The following MPP4 variants were observed in gnomAD, a reference collection of about 807,000 sequenced individuals.
MPP4 encodes the protein MAGUK p55 subfamily member 4.
Under a neutral mutation model 98.3 loss-of-function variants are expected in MPP4, and 91 were observed. The ratio of observed to expected loss-of-function variants is 0.93; its 90% CI spans 0.78 to 1.10. The LOEUF is 1.10. MPP4 is among the 50% of genes least tolerant of loss of function. The probability of loss-of-function intolerance (pLI) is 0.00; values close to 1 mark genes in which losing one functional copy is unlikely to be tolerated. For synonymous variants in MPP4, 261 were observed against 271.8 expected, an observed-to-expected ratio of 0.96 and a Z score of 0.39; for missense variants, 744 against 792.9, an observed-to-expected ratio of 0.94 and a Z score of 0.74.
Position 201,690,208 on chromosome 2 carries a change from G to A in MPP4, c.273C>T (p.Ser91=), listed in dbSNP as rs764702363. 6 of 1,605,994 alleles carry A rather than the reference G, an allele frequency of 3.7e-6. No individual in the cohort carries two copies. The South Asian group carries it at 4.5e-5, about 12-fold the overall frequency. Residue 91 remains serine, a synonymous_variant, in exon 4 of 22, where the codon TCC becomes TCT. Transcript: ENST00000409474. ...VPATPHAQVL[S]YEVVELLRET... is the part of the protein sequence containing the mutation. The stretch of plus-strand genomic sequence containing the variant: ...TGGAATAAAATCTCCTTACCTCATA[G>A]GATAACACCTGTGCATGTGGTGTGG...
chr2:201,650,299 A>C, intron 18 of MPP4, 134 bp from the exon 19 acceptor site: 9 of 1,417,346 alleles, frequency 6.3e-6, no homozygotes, highest in South Asian at 1.6e-5. Flanking sequence ...TAGAACTAAA[A>C]AGAAGAAGCC....
rs565701012 is a variant in MPP4, at chr2:201,675,264, G to T, written c.937C>A (p.Arg313=). The T allele has an allele frequency of 6.2e-7, 1 of 1,608,006 alleles. No homozygotes were observed. Among genetic ancestry groups the T allele is most frequent in the African/African-American group, 1.3e-5 (1 of 74,772 alleles). The part of the protein sequence containing the change: ...PSNHLLKRKQ[R]EFWWSQPYQP... ...TACGGCTGAGACCACCAGAATTCCC[G>T]TTGCTTCCTATGGGGGGGAAAAAAC... The change falls in exon 11 of 22, where the codon CGG becomes AGG. Residue 313 remains arginine (R), a synonymous_variant. Coordinates refer to ENST00000409474, the MANE Select transcript of MPP4 (RefSeq NM_033066.3).
intron 18 of MPP4, chr2:201,651,424 C>A: frequency 2.0e-6 from 2 of 985,382 alleles, no homozygotes; most frequent in Non-Finnish European, 2.4e-6. Flanking sequence ...TGAATTATGT[C>A]AATCTAAACC....
intron 11 of MPP4, among the ~76,000 whole-genome samples, chr2:201,671,693 A>G (rs1304306719): frequency 6.6e-6 from 1 of 152,242 alleles, no homozygotes; most frequent in African/African-American, 2.4e-5. Flanking sequence ...CACAACAAGA[A>G]GAGCTAACTA....
chr2:201,694,500 G>A (rs10804121), intron 1 of MPP4, among the ~76,000 whole-genome samples: 146,504 of 152,060 alleles, frequency 0.96, 70,794 homozygotes, highest in Non-Finnish European at 1. Flanking sequence ...GCACACTCTT[G>A]GAATTTAGAG....
At chr2:201,688,327 G>A (rs1688898583) in intron 4 of MPP4, among the ~76,000 whole-genome samples, 1 of 152,160 alleles carries the variant, frequency 6.6e-6, no homozygotes, top group Non-Finnish European at 1.5e-5. Context: ...ATTCTAGGGA[G>A]GAGACACAGA....
chr2:201,687,344 TA>T lies in MPP4; in HGVS notation c.306del (p.Thr103LeufsTer8). The T allele has an allele frequency of 6.3e-7, 1 of 1,584,054 alleles. No homozygotes were observed. Among genetic ancestry groups the T allele is most frequent in the Non-Finnish European group, 8.6e-7 (1 of 1,163,338 alleles). ...CTCAGCTCTTGGATCTCAGGGGAAG[TA>T]GGGGTTTCACGTAATAACTCCACTA... ...YEVVELLRET[P>X]TSPEIQELRQ... On this transcript the variant is annotated frameshift_variant, in exon 5 of 22. Transcript: ENST00000409474. LOFTEE classifies it high-confidence loss of function.
chr2:201,685,339 C>G (rs1015712467), intron 6 of MPP4, among the ~76,000 whole-genome samples, 194 bp from the exon 7 acceptor site: 3 of 151,856 alleles, frequency 2.0e-5, no homozygotes, highest in African/African-American at 4.8e-5. Flanking sequence ...CAAGGCTATT[C>G]AGGCAACCAG....
chr2:201,648,565 C>T (rs1213421685), intron 20 of MPP4, among the ~76,000 whole-genome samples: 1 of 152,174 alleles, frequency 6.6e-6, no homozygotes, highest in Admixed American at 6.5e-5. Context: ...GAGTAAGAGT[C>T]TATACATGAG....
intron 9 of MPP4, 76 bp from the exon 10 acceptor site, chr2:201,681,110 T>G: frequency 6.9e-7 from 1 of 1,446,374 alleles, no homozygotes; most frequent in Non-Finnish European, 9.4e-7. Context: ...CCATGGGCCA[T>G]CATGACTTAA....
At chr2:201,648,832 T>C (rs148063715) in intron 20 of MPP4, among the ~76,000 whole-genome samples, 2,391 of 152,138 alleles carry the variant, frequency 0.016, 72 homozygotes, top group African/African-American at 0.056. Flanking sequence ...CTGAGGCAGG[T>C]GGATCACTTG....
chr2:201,655,200 G>A lies in MPP4; in HGVS notation c.1301-283C>T, dbSNP rs189527659. Among the ~76,000 whole-genome samples the A allele has an allele frequency of 1.4e-3, 218 of 152,292 alleles. 2 individuals carry two copies. The highest frequency in any genetic ancestry group is 2.0e-3 in the Non-Finnish European group (139 of 68,018). ...CTTCATCTAATGTTGAATGCCATGA[G>A]AATTAGCTGGTCTCATTTTAGAGAA... On this transcript the variant is annotated intron_variant, in intron 17 of 21. Coordinates refer to ENST00000409474, the MANE Select transcript of MPP4 (RefSeq NM_033066.3).
intron 9 of MPP4, 74 bp downstream of exon 9, chr2:201,681,422 A>G: frequency 2.5e-6 from 3 of 1,197,860 alleles, no homozygotes; most frequent in Non-Finnish European, 3.7e-6. Context: ...GGATAGGATT[A>G]TTACGCATCA....
intron 7 of MPP4, 40 bp downstream of exon 7, chr2:201,685,024 G>A: frequency 6.4e-7 from 1 of 1,552,210 alleles, no homozygotes; most frequent in Non-Finnish European, 8.8e-7. Context: ...AGGGTTTCCT[G>A]TTTTTCTGGT....
intron 16 of MPP4, among the ~76,000 whole-genome samples, chr2:201,657,557 C>G (rs976752136): frequency 1.3e-5 from 2 of 148,394 alleles, no homozygotes; most frequent in African/African-American, 2.5e-5. Context: ...ATGTTTGTAA[C>G]TCCCTTCTCT....
In MPP4 at chr2:201,656,204, G is replaced by A. The variant is rs2105915677; in HGVS notation, c.1294C>T (p.Leu432Phe). 23 of 1,602,888 alleles carry A rather than the reference G, an allele frequency of 1.4e-5. No homozygotes were observed. The highest frequency in any genetic ancestry group is 1.9e-5 in the Non-Finnish European group (22 of 1,174,736). The change falls in exon 17 of 22, where the codon CTC becomes TTC. Residue 432 changes from leucine (L) to phenylalanine (F), a missense_variant. Coordinates refer to ENST00000409474, the MANE Select transcript of MPP4 (RefSeq NM_033066.3). ...RPSDKYRLIV[L>F]MGPSGVGVNE... ...AGTGCATGCTGGGACATACCCATGAGCACTATGAGGCGGTACTTGTCTGAA... is the reference window on the plus strand; with the variant it reads ...AGTGCATGCTGGGACATACCCATGAACACTATGAGGCGGTACTTGTCTGAA...
chr2:201,675,365 T>G (rs1275737469), intron 10 of MPP4, 94 bp from the exon 11 acceptor site: 16 of 1,241,836 alleles, frequency 1.3e-5, no homozygotes, highest in Non-Finnish European at 1.8e-5. Context: ...ACAAACAGAA[T>G]GTTTCTTAGA....
rs191664251 is a variant in MPP4, at chr2:201,687,355, C to A, written c.296G>T (p.Arg99Leu). The A allele has an allele frequency of 4.4e-6, 7 of 1,579,116 alleles. No individual in the cohort carries two copies. The highest frequency in any genetic ancestry group is 2.7e-5 in the African/African-American group (2 of 74,334). Reference protein sequence around the residue: ...VLSYEVVELLRETPTSPEIQE... With the variant: ...VLSYEVVELLLETPTSPEIQE... Reference sequence around the variant, plus strand: ...GATCTCAGGGGAAGTAGGGGTTTCACGTAATAACTCCACTACCTGGTTCAT... The same window carrying A: ...GATCTCAGGGGAAGTAGGGGTTTCAAGTAATAACTCCACTACCTGGTTCAT... The change falls in exon 5 of 22, where the codon CGT (arginine) becomes CTT (leucine). Residue 99 changes from arginine (R) to leucine (L), a missense_variant. Transcript: ENST00000409474.
chr2:201,671,026 C>T (rs999513150), intron 11 of MPP4, among the ~76,000 whole-genome samples: 2 of 152,342 alleles, frequency 1.3e-5, no homozygotes, highest in African/African-American at 4.8e-5. Flanking sequence ...TGCACTCCAG[C>T]CCAGATATTA....
Sources: gnomAD v4.1 joint callset for allele counts (sites outside exome capture counted in the v4.1 genomes callset) on GRCh38, gnomAD v4.1.1 for gene constraint, MANE v1.5 for transcripts, NCBI Gene and HGNC (gene_info 2026-07-23, HGNC 2026-07-21) for gene names.